DOT1L: variants seen among roughly 807,000 people sequenced by gnomAD.
DOT1L encodes DOT1 like histone lysine methyltransferase, also known as histone-lysine N-methyltransferase, H3 lysine-79 specific.
In DOT1L, 33 loss-of-function variants were observed where a neutral mutation model predicts 153.3. The observed-to-expected ratio is 0.22, with a 90% CI of 0.16 to 0.29. The LOEUF (loss-of-function observed/expected upper bound fraction) is 0.29, where lower values mean the gene tolerates loss of function less well. DOT1L is among the 10% of genes least tolerant of loss of function. DOT1L has a pLI of 1.00. For synonymous variants in DOT1L, 1,135 were observed against 965.1 expected (o/e 1.18, Z -3.26); for missense variants, 1,847 against 2,119.9 (o/e 0.87, Z 2.53).
intron 7 of DOT1L, among the ~76,000 whole-genome samples, chr19:2,195,834 A>G (rs372204086): frequency 2.0e-5 from 3 of 152,354 alleles, no homozygotes; most frequent in Middle Eastern, 3.4e-3. Flanking sequence ...TTGCAGAAGC[A>G]ACAGAAACAA....
At chr19:2,195,195 C>T (rs1276681909) in intron 7 of DOT1L, among the ~76,000 whole-genome samples, 2 of 151,944 alleles carry the variant, frequency 1.3e-5, no homozygotes, top group South Asian at 4.1e-4. Flanking sequence ...TTTTCCTGAC[C>T]CAGGTTGGGT....
chr19:2,232,364 C>T lies in DOT1L; in HGVS notation c.*2572C>T, dbSNP rs1182970419. 5.0e-6 allele frequency: 1 copy of T among 200,106 alleles called. No individual in the cohort carries two copies. The highest frequency in any genetic ancestry group is 1.0e-5 in the Non-Finnish European group (1 of 97,666). 12.4% of individuals were successfully genotyped at this position (200,106 alleles called of 1,614,324 possible). A position where few individuals can be genotyped will look rare whatever the true frequency, so the allele number is the denominator to read the frequency against. The stretch of plus-strand genomic sequence containing the variant: ...ACCCCCCGCCGACTGCCCTCGCCAT[C>T]GTGGTCAGACCCCCCTCCCAACACA... On this transcript the variant is annotated 3_prime_UTR_variant, in exon 28 of 28. Coordinates refer to ENST00000398665, the MANE Select transcript of DOT1L (RefSeq NM_032482.3).
At chr19:2,186,758 T>C (rs8108461) in intron 3 of DOT1L, among the ~76,000 whole-genome samples, 83,318 of 152,170 alleles carry the variant, frequency 0.55, 22,982 homozygotes, top group Middle Eastern at 0.59. Context: ...CAGACAAGCG[T>C]GTTGCTGGCA....
At chr19:2,221,884 C>A in intron 23 of DOT1L, 92 bp from the exon 24 acceptor site, 1 of 1,294,398 alleles carries the variant, frequency 7.7e-7, no homozygotes, top group Non-Finnish European at 1.0e-6. Context: ...TCTCCTGGAG[C>A]CCACAGAGCT....
At chr19:2,169,915 G>C (rs190344820) in intron 1 of DOT1L, among the ~76,000 whole-genome samples, 16 of 152,314 alleles carry the variant, frequency 1.1e-4, no homozygotes, top group African/African-American at 3.1e-4. Context: ...CCGGCACTTT[G>C]GGAGGCCAAG....
At chr19:2,228,085 C>T in intron 27 of DOT1L, 1 of 1,339,614 alleles carries the variant, frequency 7.5e-7, no homozygotes, top group Non-Finnish European at 9.9e-7. Flanking sequence ...TCCCTCCCGC[C>T]TAACCAAGCT....
At position 2,226,750 on chromosome 19, in the gene DOT1L, C is replaced by G. The variant is rs781442735; in HGVS notation, c.4229C>G (p.Ala1410Gly). ...TDKTPLLSGK[A>G]AKARDREVDL... is the part of the protein sequence containing the mutation. Reference sequence around the variant, plus strand: ...AAGACCCCACTGCTGAGCGGCAAGGCCGCCAAGGCCCGGGACCGCGAGGTC... The same window carrying G: ...AAGACCCCACTGCTGAGCGGCAAGGGCGCCAAGGCCCGGGACCGCGAGGTC... The change falls in exon 27 of 28, where the codon GCC becomes GGC. Residue 1410 changes from alanine to glycine, a missense_variant. Physicochemically the swap from Ala to Gly is moderately conservative, Grantham distance 60. Transcript: ENST00000398665. 5 of 1,557,034 alleles carry G rather than the reference C, an allele frequency of 3.2e-6. No individual in the cohort carries two copies. The East Asian group carries it at 9.1e-5, about 28-fold the overall frequency.
rs1032830163 is a variant in DOT1L at position 2,204,623 on chromosome 19, G to C, written c.787+1844G>C. Among the ~76,000 whole-genome samples the C allele has an allele frequency of 6.6e-6, 1 of 152,188 alleles. No individual in the cohort carries two copies. Among genetic ancestry groups the C allele is most frequent in the African/African-American group, 2.4e-5 (1 of 41,442 alleles). On this transcript the variant is annotated intron_variant, in intron 9 of 27. Coordinates refer to ENST00000398665, the MANE Select transcript of DOT1L (RefSeq NM_032482.3). This position sits in a 1 kb window ranked among gnomAD's most constrained non-coding sequence, Gnocchi z 5.7. ...CGATCAGACGTGGTGGCTGAGTCAGGGTACTGCAGTGGCGTCTTCTGTCCG... is the reference window on the plus strand; with the variant it reads ...CGATCAGACGTGGTGGCTGAGTCAGCGTACTGCAGTGGCGTCTTCTGTCCG...
intron 19 of DOT1L, chr19:2,215,805 C>G (rs975323544): frequency 1.6e-4 from 25 of 153,730 alleles, no homozygotes; most frequent in African/African-American, 5.8e-4. Flanking sequence ...TGGGTTCTGA[C>G]CATTTTTGTC....
At chr19:2,199,374 G>T (rs112511640) in intron 7 of DOT1L, among the ~76,000 whole-genome samples, 1 of 152,334 alleles carries the variant, frequency 6.6e-6, no homozygotes, top group South Asian at 2.1e-4. Flanking sequence ...AGAGCTCGGC[G>T]CTAGGCTTTC....
intron 7 of DOT1L, among the ~76,000 whole-genome samples, chr19:2,198,997 A>G (rs1248697466): frequency 8.6e-5 from 13 of 151,978 alleles, no homozygotes; most frequent in Admixed American, 2.6e-4. Flanking sequence ...TTTGGCTGTG[A>G]TGAGTTGTGT....
rs2144906750 is a variant in DOT1L at position 2,222,507 on chromosome 19, T to C, written c.3338T>C (p.Val1113Ala). The change falls in exon 24 of 28, where the codon GTC (valine) becomes GCC (alanine). Residue 1113 changes from valine (V) to alanine (A), a missense_variant. Val to Ala is a moderately conservative substitution (Grantham distance 64). Around this residue, in one of 8 missense-constraint regions of DOT1L, gnomAD observed 934 missense variants for 825.3 expected, o/e 1.13. Transcript: ENST00000398665. The surrounding 1 kb of genome is among the most constrained non-coding windows in gnomAD (Gnocchi z 6.5). ...CCCAAGCGCCGAGCCCTGCCGTCCG[T>C]CGCTGGCCTTTTCACACAGCCTTCG... ...VSPKRRALPS[V>A]AGLFTQPSGS... 6.3e-7 allele frequency: 1 copy of C among 1,576,850 alleles called. No individual in the cohort carries two copies. The highest frequency in any genetic ancestry group is 8.6e-7 in the Non-Finnish European group (1 of 1,164,858).
rs1470033721 is a variant in DOT1L at position 2,231,953 on chromosome 19, C to T, written c.*2161C>T. ...AGCCCACTGGGTCATATGCGTGTCA[C>T]CACACGTGAACTAGTGTGGTGGCTG... is the stretch of plus-strand genomic sequence containing the variant. On this transcript the variant is annotated 3_prime_UTR_variant, in exon 28 of 28. Transcript: ENST00000398665. 3 of 213,092 alleles carry T rather than the reference C, an allele frequency of 1.4e-5. No homozygotes were observed. Among genetic ancestry groups the T allele is most frequent in the South Asian group, 1.9e-4 (1 of 5,366 alleles). 13.2% of individuals were successfully genotyped at this position (213,092 alleles called of 1,614,324 possible).
intron 12 of DOT1L, among the ~76,000 whole-genome samples, chr19:2,210,183 C>T (rs1211314212): frequency 3.3e-5 from 5 of 152,256 alleles, no homozygotes; most frequent in African/African-American, 4.8e-5. Context: ...CTGTGAATGC[C>T]GTTATCCGTG....
In DOT1L at chr19:2,208,704, G is replaced by GC. The variant is rs2023599675; in HGVS notation, c.964-227dup. Among the ~76,000 whole-genome samples the GC allele has an allele frequency of 1.3e-5, 2 of 152,148 alleles. No individual in the cohort carries two copies. Among genetic ancestry groups the GC allele is most frequent in the Admixed American group, 6.5e-5 (1 of 15,272 alleles). On this transcript the variant is annotated intron_variant, in intron 11 of 27. Coordinates refer to ENST00000398665, the MANE Select transcript of DOT1L (RefSeq NM_032482.3). This position sits in a 1 kb window ranked among gnomAD's most constrained non-coding sequence, Gnocchi z 4.4. ...GTGTCTGTTCTGAAGGCTTAAACCA[G>GC]CCCCGCCCACCCGTCGCGTGCTGGT...
At chr19:2,180,574 C>A in intron 1 of DOT1L, 139 bp from the exon 2 acceptor site, 1 of 1,002,186 alleles carries the variant, frequency 1.0e-6, no homozygotes, top group Non-Finnish European at 1.5e-6. Context: ...GTGGTACCCG[C>A]TGGGTGGTGG....
chr19:2,187,713 G>C (rs1022709122), intron 3 of DOT1L, among the ~76,000 whole-genome samples: 13 of 152,138 alleles, frequency 8.5e-5, no homozygotes, highest in Admixed American at 2.6e-4. Flanking sequence ...ACGAGGTCAG[G>C]AGATCGAGAC....
chr19:2,171,621 C>CG (rs2021631422), intron 1 of DOT1L, among the ~76,000 whole-genome samples: 1 of 152,200 alleles, frequency 6.6e-6, no homozygotes, highest in African/African-American at 2.4e-5. Context: ...CGACCGCCGC[C>CG]GGGTGTCGCT....
rs910148151 is a variant in DOT1L at position 2,194,423 on chromosome 19, A to G, written c.589-92A>G. On this transcript the variant is annotated intron_variant, in intron 6 of 27. Coordinates refer to ENST00000398665, the MANE Select transcript of DOT1L (RefSeq NM_032482.3). ...CCTGACCTCATGATCCGCCCTCCTCAGCCTCCCAAAGTGCCGGGATTACAG... is the reference window on the plus strand; with the variant it reads ...CCTGACCTCATGATCCGCCCTCCTCGGCCTCCCAAAGTGCCGGGATTACAG... 4.9e-6 allele frequency: 7 copies of G among 1,430,040 alleles called. No individual in the cohort carries two copies. The African/African-American group carries it at 5.6e-5, about 11-fold the overall frequency. 88.6% of individuals were successfully genotyped at this position (1,430,040 alleles called of 1,614,324 possible).
Sources: gnomAD v4.1 joint callset for allele counts (sites outside exome capture counted in the v4.1 genomes callset) on GRCh38, gnomAD v4.1.1 for gene constraint, gnomAD v4.1.1 regional missense constraint, Gnocchi (gnomAD v3.1) non-coding constraint, MANE v1.5 for transcripts, NCBI Gene and HGNC (gene_info 2026-07-23, HGNC 2026-07-21) for gene names.